The following EPM2A variants were observed in gnomAD, a reference collection of about 807,000 sequenced individuals.
EPM2A encodes laforin.
A neutral mutation model predicts 26.5 loss-of-function variants in EPM2A; 21 were observed. The observed-to-expected ratio is 0.79, with a 90% confidence interval of 0.56 to 1.14. The LOEUF is 1.14. EPM2A is among the 50% of genes most tolerant of loss of function. The pLI, the probability that EPM2A is intolerant of heterozygous loss-of-function variation, is 0.00. For synonymous variants in EPM2A, 217 were observed against 177.6 expected, an observed-to-expected ratio of 1.22 and a Z score of -1.76; for missense variants, 458 against 440.8, an observed-to-expected ratio of 1.04 and a Z score of -0.35.
At chr6:145,582,279 T>C (rs1004682941) in intron 2 of EPM2A, among the ~76,000 whole-genome samples, 2 of 152,224 alleles carry the variant, frequency 1.3e-5, no homozygotes, top group Non-Finnish European at 2.9e-5. Context: ...CATTTCTATT[T>C]ATATTTTGCC....
chr6:145,670,304 T>C (rs754720740), intron 2 of EPM2A: 11 of 152,298 alleles, frequency 7.2e-5, no homozygotes, highest in Non-Finnish European at 1.0e-4. Flanking sequence ...TCATGACTTA[T>C]AATAAATCCA....
At chr6:145,409,375 A>G (rs1778613258) in intron 4 of EPM2A, among the ~76,000 whole-genome samples, 1 of 152,186 alleles carries the variant, frequency 6.6e-6, no homozygotes, top group Non-Finnish European at 1.5e-5. Context: ...AGCCATTTTT[A>G]TGTATATGAG....
At chr6:145,436,357 C>T (rs1393872747) in intron 4 of EPM2A, among the ~76,000 whole-genome samples, 1 of 152,078 alleles carries the variant, frequency 6.6e-6, no homozygotes, top group Non-Finnish European at 1.5e-5. Flanking sequence ...AGATATATAT[C>T]TAGGAATGGA....
chr6:145,544,549 T>C (rs908695007), intron 2 of EPM2A, among the ~76,000 whole-genome samples: 2 of 152,168 alleles, frequency 1.3e-5, no homozygotes, highest in South Asian at 2.1e-4. Flanking sequence ...AGTCACAAAG[T>C]GTGCGTTAGG....
chr6:145,706,422 C>T (rs1372062776), intron 1 of EPM2A, among the ~76,000 whole-genome samples: 1 of 152,222 alleles, frequency 6.6e-6, no homozygotes, highest in East Asian at 1.9e-4. Flanking sequence ...TGTAACTTCA[C>T]TAAACTGCAT....
At chr6:145,537,925 T>C (rs1189552727) in intron 2 of EPM2A, among the ~76,000 whole-genome samples, 2 of 152,026 alleles carry the variant, frequency 1.3e-5, no homozygotes, top group Admixed American at 6.5e-5. Context: ...CTGCAAAGGA[T>C]ATGATCTCAT....
At chr6:145,419,969 G>A (rs1778761094) in intron 4 of EPM2A, among the ~76,000 whole-genome samples, 1 of 152,106 alleles carries the variant, frequency 6.6e-6, no homozygotes, top group Non-Finnish European at 1.5e-5. Context: ...ATTAAGGGCT[G>A]TCATTTAGTT....
chr6:145,732,344 A>T (rs2328705), intron 1 of EPM2A, among the ~76,000 whole-genome samples: 1 of 151,796 alleles, frequency 6.6e-6, no homozygotes, highest in Non-Finnish European at 1.5e-5. Flanking sequence ...TGAACTTTCT[A>T]TGTAACAGAA....
At chr6:145,601,762 C>T (rs1188500949) in intron 2 of EPM2A, among the ~76,000 whole-genome samples, 1 of 152,148 alleles carries the variant, frequency 6.6e-6, no homozygotes, top group Non-Finnish European at 1.5e-5. Flanking sequence ...TCCCAGCTTC[C>T]GTGCAAGTAG....
intron 2 of EPM2A, among the ~76,000 whole-genome samples, chr6:145,681,398 T>A (rs994367274): frequency 2.0e-5 from 3 of 151,334 alleles, no homozygotes; most frequent in African/African-American, 7.3e-5. Flanking sequence ...TCAGTTTAAT[T>A]AGATCCCATT....
At chr6:145,409,217 G>C (rs1562323946) in intron 4 of EPM2A, among the ~76,000 whole-genome samples, 1 of 151,916 alleles carries the variant, frequency 6.6e-6, no homozygotes, top group Non-Finnish European at 1.5e-5. Flanking sequence ...GCAACTTATG[G>C]TTTATTAAGT....
At chr6:145,432,173 G>C (rs558802424) in intron 4 of EPM2A, among the ~76,000 whole-genome samples, 34 of 152,198 alleles carry the variant, frequency 2.2e-4, no homozygotes, top group African/African-American at 7.2e-4. Context: ...ATCCATCAGG[G>C]CTGGAATCAA....
chr6:145,628,414 G>C (rs1292990044), intron 3 of EPM2A: 1 of 152,554 alleles, frequency 6.6e-6, no homozygotes, highest in Non-Finnish European at 1.5e-5. Flanking sequence ...GCCCTGCTGA[G>C]GCCTGGTAGA....
chr6:145,528,832 T>G (rs889338227), intron 2 of EPM2A, among the ~76,000 whole-genome samples: 1 of 152,092 alleles, frequency 6.6e-6, no homozygotes, highest in Non-Finnish European at 1.5e-5. Context: ...CTGGGGAAAG[T>G]AAATTGAAAA....
intron 1 of EPM2A, among the ~76,000 whole-genome samples, chr6:145,713,644 G>A (rs1171212538): frequency 2.6e-5 from 4 of 152,152 alleles, no homozygotes; most frequent in Non-Finnish European, 4.4e-5. Flanking sequence ...AAATAGTGCA[G>A]TCACCTTGGA....
At chr6:145,496,728 A>AT (rs1554244200), downstream of EPM2A, among the ~76,000 whole-genome samples, 2,521 of 106,866 alleles carry the variant, frequency 0.024, 335 homozygotes, top group Admixed American at 0.045. Flanking sequence ...AGTTCCTGCA[A>AT]TTTTTTTTTT....
chr6:145,412,004 G>C (rs1156604053), intron 4 of EPM2A, among the ~76,000 whole-genome samples: 1 of 152,042 alleles, frequency 6.6e-6, no homozygotes, highest in African/African-American at 2.4e-5. Context: ...CGGATCACCA[G>C]GTCAGGAGTT....
intron 1 of EPM2A, among the ~76,000 whole-genome samples, chr6:145,728,370 T>C (rs1295660727): frequency 2.6e-5 from 4 of 152,154 alleles, no homozygotes; most frequent in African/African-American, 4.8e-5. Context: ...GGAGACTCGT[T>C]GAATGGTTGT....
chr6:145,666,864 C>T (rs1377463282), intron 2 of EPM2A, among the ~76,000 whole-genome samples: 1 of 148,324 alleles, frequency 6.7e-6, no homozygotes, highest in Non-Finnish European at 1.5e-5. Context: ...ACACCGCATA[C>T]CTACAACTAT....
Sources: gnomAD v4.1 joint callset for allele counts (sites outside exome capture counted in the v4.1 genomes callset) on GRCh38, gnomAD v4.1.1 for gene constraint, MANE v1.5 for transcripts, NCBI Gene and HGNC (gene_info 2026-07-23, HGNC 2026-07-21) for gene names.